TBL1XR1: variants seen among roughly 807,000 people sequenced by gnomAD.
The protein encoded by TBL1XR1 is TBL1X/Y related 1, also known as F-box-like/WD repeat-containing protein TBL1XR1.
Under a neutral mutation model 66.9 loss-of-function variants are expected in TBL1XR1, and 5 were observed. The ratio of observed to expected loss-of-function variants is 0.07; its 90% CI spans 0.04 to 0.16. The LOEUF (loss-of-function observed/expected upper bound fraction) is 0.16, where lower values mean the gene tolerates loss of function less well. Among genes scored for constraint, TBL1XR1 ranks in the 10% least tolerant of loss-of-function variants. The pLI, the probability that TBL1XR1 is intolerant of heterozygous loss-of-function variation, is 1.00. For synonymous variants in TBL1XR1, 210 were observed against 206.0 expected, an observed-to-expected ratio of 1.02 and a Z score of -0.17; for missense variants, 238 against 623.2, an observed-to-expected ratio of 0.38 and a Z score of 6.58.
chr3:177,055,645 C>A (rs1167150488), intron 3 of TBL1XR1, among the ~76,000 whole-genome samples: 3 of 152,026 alleles, frequency 2.0e-5, no homozygotes, highest in Admixed American at 6.6e-5. Context: ...GATTCCAGAT[C>A]ACCAAGGCAG....
chr3:177,157,515 T>G (rs1560240364), intron 1 of TBL1XR1, among the ~76,000 whole-genome samples: 1 of 152,204 alleles, frequency 6.6e-6, no homozygotes, highest in South Asian at 2.1e-4. Flanking sequence ...TTCAGAACAC[T>G]CTGGGTTATA....
At chr3:177,100,596 G>C (rs1439887017) in intron 1 of TBL1XR1, among the ~76,000 whole-genome samples, 3 of 151,700 alleles carry the variant, frequency 2.0e-5, no homozygotes, top group Admixed American at 2.0e-4. Context: ...GGCCAATTTT[G>C]GTATTTTTAG....
At chr3:177,135,614 C>T (rs1354458843) in intron 1 of TBL1XR1, among the ~76,000 whole-genome samples, 3 of 146,640 alleles carry the variant, frequency 2.0e-5, no homozygotes, top group African/African-American at 7.6e-5. Context: ...GATCTCCTGA[C>T]CTCGTGATCC....
At chr3:177,092,292 A>G (rs754085163) in intron 2 of TBL1XR1, among the ~76,000 whole-genome samples, 13 of 152,184 alleles carry the variant, frequency 8.5e-5, no homozygotes, top group Admixed American at 2.6e-4. Flanking sequence ...AAAAAACCTA[A>G]ATTAAGATTA....
chr3:177,112,101 ATATATATTT>A (rs1292631253), intron 1 of TBL1XR1, among the ~76,000 whole-genome samples: 17 of 48,198 alleles, frequency 3.5e-4, no homozygotes, highest in East Asian at 1.8e-3. Context: ...ATATATATAT[ATATATATTT>A]TTTTTTTTTT....
intron 1 of TBL1XR1, chr3:177,196,536 G>GCC (rs1736872559): frequency 6.8e-6 from 1 of 147,658 alleles, no homozygotes; most frequent in Admixed American, 6.7e-5. Flanking sequence ...GCCGCCCGCA[G>GCC]CCCCCAGCAC....
intron 1 of TBL1XR1, among the ~76,000 whole-genome samples, chr3:177,179,097 A>G (rs144776433): frequency 1.7e-3 from 250 of 146,960 alleles, no homozygotes; most frequent in African/African-American, 6.0e-3. Flanking sequence ...AGCCTGGGCA[A>G]CAAGAGCGAA....
chr3:177,108,711 ATTGT>A (rs1725185248), intron 1 of TBL1XR1, among the ~76,000 whole-genome samples: 1 of 152,222 alleles, frequency 6.6e-6, no homozygotes, highest in South Asian at 2.1e-4. Context: ...AAGCAAAAAA[ATTGT>A]TTGAATTATG....
At chr3:177,188,540 T>A (rs1483664532) in intron 1 of TBL1XR1, among the ~76,000 whole-genome samples, 3 of 151,626 alleles carry the variant, frequency 2.0e-5, no homozygotes, top group Non-Finnish European at 4.4e-5. Flanking sequence ...AGAGCAAACC[T>A]CCGTCAAAAA....
intron 1 of TBL1XR1, among the ~76,000 whole-genome samples, chr3:177,117,173 A>G (rs2108745226): frequency 6.6e-6 from 1 of 152,344 alleles, no homozygotes. Context: ...TAACATCACA[A>G]CCAATAATCT....
chr3:177,032,966 C>A lies in TBL1XR1; in HGVS notation c.1416+5G>T. ...CACTTGACCATTTAAATAATGAAGA[C>A]ATACCTGCGTGTTCCAGATGTGTAC... On this transcript the variant is annotated splice_donor_5th_base_variant and intron_variant, in intron 14 of 15. Coordinates refer to ENST00000457928, the MANE Select transcript of TBL1XR1 (RefSeq NM_024665.7). The A allele has an allele frequency of 6.4e-7, 1 of 1,565,104 alleles. No homozygotes were observed. Among genetic ancestry groups the A allele is most frequent in the South Asian group, 1.2e-5 (1 of 83,598 alleles).
chr3:177,174,996 T>TA (rs1457205158), intron 1 of TBL1XR1, among the ~76,000 whole-genome samples: 1 of 152,230 alleles, frequency 6.6e-6, no homozygotes, highest in East Asian at 1.9e-4. Context: ...ACGCTAGACA[T>TA]AAACAAAACT....
chr3:177,123,734 T>G (rs1438462626), intron 1 of TBL1XR1, among the ~76,000 whole-genome samples: 1 of 152,070 alleles, frequency 6.6e-6, no homozygotes, highest in Admixed American at 6.5e-5. Flanking sequence ...AACATATGAT[T>G]CAAACATACC....
intron 1 of TBL1XR1, among the ~76,000 whole-genome samples, chr3:177,175,394 T>C (rs974101086): frequency 6.6e-6 from 1 of 152,234 alleles, no homozygotes; most frequent in South Asian, 2.1e-4. Flanking sequence ...CAAATGCACC[T>C]GAACTCACAA....
At chr3:177,142,192 A>C (rs1331449563) in intron 1 of TBL1XR1, among the ~76,000 whole-genome samples, 1 of 152,204 alleles carries the variant, frequency 6.6e-6, no homozygotes, top group Admixed American at 6.5e-5. Flanking sequence ...CCAGGAAAGA[A>C]TTCAGGGTGA....
intron 3 of TBL1XR1, among the ~76,000 whole-genome samples, chr3:177,059,901 G>A (rs1022395737): frequency 6.6e-6 from 1 of 152,200 alleles, no homozygotes; most frequent in East Asian, 1.9e-4. Context: ...GAAAAGACTA[G>A]ATTTGCTGAG....
intron 1 of TBL1XR1, among the ~76,000 whole-genome samples, chr3:177,129,941 T>C (rs1728083393): frequency 6.6e-6 from 1 of 151,948 alleles, no homozygotes; most frequent in Non-Finnish European, 1.5e-5. Flanking sequence ...GGACAGGAGT[T>C]TAAGACCAGC....
At chr3:177,102,222 C>T (rs893450234) in intron 1 of TBL1XR1, among the ~76,000 whole-genome samples, 5 of 152,070 alleles carry the variant, frequency 3.3e-5, no homozygotes, top group Non-Finnish European at 7.4e-5. Flanking sequence ...ATTAATACTA[C>T]AAGTCGTTAA....
chr3:177,065,327 CCTT>C lies in TBL1XR1; in HGVS notation c.-45-308_-45-306del, dbSNP rs1351006663. 2.6e-5 allele frequency among the ~76,000 whole-genome samples: 4 copies of C among 151,982 alleles called. No homozygotes were observed. In the East Asian group the frequency reaches 5.8e-4, roughly 22 times the overall value. On this transcript the variant is annotated intron_variant, in intron 2 of 15. Coordinates refer to ENST00000457928, the MANE Select transcript of TBL1XR1 (RefSeq NM_024665.7). ...GCATAAAATGTTGCTCACTTTTTCT[CCTT>C]AACTGTAAAAAGAAGTAAATTTTAA... is the stretch of plus-strand genomic sequence containing the variant.
Sources: gnomAD v4.1 joint callset for allele counts (sites outside exome capture counted in the v4.1 genomes callset) on GRCh38, gnomAD v4.1.1 for gene constraint, MANE v1.5 for transcripts, NCBI Gene and HGNC (gene_info 2026-07-23, HGNC 2026-07-21) for gene names.